Variants in TNFSF4 observed in about 807,000 individuals in gnomAD.
The protein encoded by TNFSF4 is tumor necrosis factor ligand superfamily member 4.
A neutral mutation model predicts 7.3 loss-of-function variants in TNFSF4; 4 were observed. The ratio of observed to expected loss-of-function variants is 0.55; its 90% CI spans 0.27 to 1.25. The LOEUF is 1.25. Among genes scored for constraint, TNFSF4 ranks in the 50% most tolerant of loss-of-function variants. The probability of loss-of-function intolerance (pLI) is 0.12; values close to 1 mark genes in which losing one functional copy is unlikely to be tolerated. For missense variants in TNFSF4, 181 were observed against 208.8 expected (o/e 0.87, Z 0.82); for synonymous variants, 76 against 83.7 (o/e 0.91, Z 0.50).
the TNFSF4 span, among the ~76,000 whole-genome samples, chr1:173,280,956 T>C: frequency 6.6e-6 from 1 of 152,186 alleles, no homozygotes; most frequent in Non-Finnish European, 1.5e-5. Context: ...TCTCAGTTGC[T>C]AGATTTAACT....
At chr1:173,276,835 C>A in the TNFSF4 span, among the ~76,000 whole-genome samples, 1 of 152,184 alleles carries the variant, frequency 6.6e-6, no homozygotes, top group Non-Finnish European at 1.5e-5. Context: ...GGCTCTTCAG[C>A]CATCACAGCG....
At chr1:173,369,569 T>C in the TNFSF4 span, among the ~76,000 whole-genome samples, 111,771 of 151,924 alleles carry the variant, frequency 0.74, 41,352 homozygotes, top group East Asian at 0.91. Flanking sequence ...ACCAAAACTA[T>C]GGGTGGTTTT....
chr1:173,267,755 C>T, the TNFSF4 span, among the ~76,000 whole-genome samples: 1 of 151,876 alleles, frequency 6.6e-6, no homozygotes, highest in Non-Finnish European at 1.5e-5. Context: ...GTCAGTCCTT[C>T]ATCAGATTGC....
chr1:173,363,373 T>C, the TNFSF4 span: 1 of 337,898 alleles, frequency 3.0e-6, no homozygotes, highest in South Asian at 3.0e-5. Context: ...CAGTTCTTGA[T>C]TGTGCTTTGA....
chr1:173,246,161 TA>T, the TNFSF4 span, among the ~76,000 whole-genome samples: 1 of 152,216 alleles, frequency 6.6e-6, no homozygotes, highest in African/African-American at 2.4e-5. Context: ...TACTTTTTTT[TA>T]TTTCACTTTA....
the TNFSF4 span, among the ~76,000 whole-genome samples, chr1:173,225,978 G>T: frequency 6.6e-6 from 1 of 152,184 alleles, no homozygotes; most frequent in African/African-American, 2.4e-5. Flanking sequence ...AACTCTCACT[G>T]TGTTTTATTC....
the TNFSF4 span, among the ~76,000 whole-genome samples, chr1:173,316,217 C>T: frequency 2.6e-5 from 4 of 151,950 alleles, no homozygotes; most frequent in African/African-American, 9.6e-5. Context: ...AATAAGTTGA[C>T]CATATATGCT....
chr1:173,215,197 C>T, the TNFSF4 span, among the ~76,000 whole-genome samples: 11 of 152,212 alleles, frequency 7.2e-5, no homozygotes, highest in East Asian at 1.9e-3. Context: ...CGTCTGCAAG[C>T]CAAGAAAAGA....
At chr1:173,350,830 G>T in the TNFSF4 span, among the ~76,000 whole-genome samples, 18 of 152,164 alleles carry the variant, frequency 1.2e-4, no homozygotes, top group South Asian at 3.7e-3. Flanking sequence ...ATGACCCCTT[G>T]GCCAGATGTA....
the TNFSF4 span, among the ~76,000 whole-genome samples, chr1:173,444,403 G>T: frequency 6.6e-6 from 1 of 151,782 alleles, no homozygotes; most frequent in Non-Finnish European, 1.5e-5. Context: ...CGTACAAAAA[G>T]TTTGGATAAT....
At chr1:173,268,437 C>T in the TNFSF4 span, among the ~76,000 whole-genome samples, 1 of 151,858 alleles carries the variant, frequency 6.6e-6, no homozygotes, top group African/African-American at 2.4e-5. Flanking sequence ...CTTAGGTTAC[C>T]ACTAACAGTG....
At chr1:173,412,850 C>T in the TNFSF4 span, among the ~76,000 whole-genome samples, 5 of 152,056 alleles carry the variant, frequency 3.3e-5, no homozygotes, top group African/African-American at 4.8e-5. Context: ...ATGTATACAA[C>T]GGATTTTATG....
chr1:173,224,079 GC>G, the TNFSF4 span, among the ~76,000 whole-genome samples: 2 of 152,144 alleles, frequency 1.3e-5, no homozygotes, highest in South Asian at 2.1e-4. Context: ...AGAGTAAAAG[GC>G]CCTAAGCAGC....
rs779229208 is a variant in TNFSF4 at position 173,207,227 on chromosome 1, C to A, written c.-51G>T. ...TGAAGATATGGAAAAGGGGAACGTG[C>A]GATAAAACTGAAGTTTTCCCCAGAA... On this transcript the variant is annotated 5_prime_UTR_variant, in exon 1 of 3. Transcript: ENST00000281834. 3.3e-6 allele frequency: 5 copies of A among 1,537,496 alleles called. No homozygotes were observed. The highest frequency in any genetic ancestry group is 2.3e-5 in the East Asian group (1 of 43,170).
At chr1:173,409,709 T>C in the TNFSF4 span, among the ~76,000 whole-genome samples, 6 of 152,230 alleles carry the variant, frequency 3.9e-5, no homozygotes, top group East Asian at 3.8e-4. Context: ...AGTATTCTTT[T>C]CTGGCATAAA....
At chr1:173,401,181 T>C in the TNFSF4 span, among the ~76,000 whole-genome samples, 1 of 152,226 alleles carries the variant, frequency 6.6e-6, no homozygotes, top group East Asian at 1.9e-4. Flanking sequence ...ACTCAAGTGC[T>C]TTAACTCCTC....
At chr1:173,239,725 G>T in the TNFSF4 span, among the ~76,000 whole-genome samples, 1 of 152,106 alleles carries the variant, frequency 6.6e-6, no homozygotes, top group Non-Finnish European at 1.5e-5. Context: ...GTCCAAAGTG[G>T]CAATAAGAGA....
At chr1:173,286,200 T>A in the TNFSF4 span, among the ~76,000 whole-genome samples, 1 of 152,164 alleles carries the variant, frequency 6.6e-6, no homozygotes, top group African/African-American at 2.4e-5. Flanking sequence ...CTCAGTTCAA[T>A]CCCAACTTAA....
chr1:173,341,050 T>C, the TNFSF4 span, among the ~76,000 whole-genome samples: 1 of 152,126 alleles, frequency 6.6e-6, no homozygotes, highest in South Asian at 2.1e-4. Context: ...CTGACTTAAC[T>C]CTTCACTTCT....
Sources: allele counts gnomAD v4.1 joint callset (sites outside exome capture counted in the v4.1 genomes callset), GRCh38; gene constraint gnomAD v4.1.1; transcripts MANE v1.5; gene names NCBI Gene and HGNC (gene_info 2026-07-23, HGNC 2026-07-21).